USP47: variants seen among roughly 807,000 people sequenced by gnomAD.
USP47 encodes the protein ubiquitin carboxyl-terminal hydrolase 47.
USP47 carries 35 observed loss-of-function variants against 165.1 expected under a neutral mutation model. The observed-to-expected ratio is 0.21, with a 90% CI of 0.16 to 0.28. The LOEUF is 0.28. USP47 is among the 10% of genes least tolerant of loss of function. The pLI is 1.00. For missense variants in USP47, 1,277 were observed against 1,607.4 expected (o/e 0.79, Z 3.52); for synonymous variants, 531 against 544.5 (o/e 0.98, Z 0.35).
chr11:11,948,236 T>A (rs1241567043), intron 21 of USP47, 116 bp downstream of exon 21: 1 of 1,215,742 alleles, frequency 8.2e-7, no homozygotes, highest in African/African-American at 1.5e-5. Flanking sequence ...TTTTTTTTAA[T>A]GATTAATGGT....
chr11:11,866,330 G>C (rs1420564045), intron 1 of USP47, among the ~76,000 whole-genome samples: 1 of 152,178 alleles, frequency 6.6e-6, no homozygotes, highest in African/African-American at 2.4e-5. Flanking sequence ...TAAGACTCAA[G>C]GCTCAGGAGA....
chr11:11,870,561 T>A (rs945213665), intron 1 of USP47, among the ~76,000 whole-genome samples: 1 of 152,202 alleles, frequency 6.6e-6, no homozygotes, highest in Non-Finnish European at 1.5e-5. Context: ...CTTTGAGTTT[T>A]CCTTCATCTG....
rs1847426060 is a variant in USP47 at position 11,960,935 on chromosome 11, C to A, written c.*4760C>A. On this transcript the variant is annotated 3_prime_UTR_variant, in exon 28 of 28. Transcript: ENST00000527733. ...CCTCTTCAACCTCATCCTCCCTCCC[C>A]ACAGGCCCAGAGAACCAGTTGGGCT... is the stretch of plus-strand genomic sequence containing the variant. Among the ~76,000 whole-genome samples, 2 of 152,296 alleles carry A rather than the reference C, an allele frequency of 1.3e-5. No individual in the cohort carries two copies. The highest frequency in any genetic ancestry group is 1.3e-4 in the Admixed American group (2 of 15,310).
At chr11:11,921,676 T>C (rs1853848882) in intron 10 of USP47, among the ~76,000 whole-genome samples, 2 of 151,906 alleles carry the variant, frequency 1.3e-5, no homozygotes, top group Admixed American at 6.6e-5. Flanking sequence ...CAGTAGTAGA[T>C]TGGTCTTCTG....
In USP47 at chr11:11,920,236, G is replaced by T; in HGVS notation, c.1050G>T (p.Lys350Asn). Residue 350 changes from lysine (K) to asparagine (N), a missense_variant, in exon 9 of 28, where the codon AAG becomes AAT. Transcript: ENST00000527733. ...ATTTTTGTGAACGTTGTAAGAAGAA[G>T]TGTGATGCACGGAAGGTAAATGCCA... ...NQYFCERCKK[K>N]CDARKGLRFL... is the part of the protein sequence containing the mutation. 6.2e-7 allele frequency: 1 copy of T among 1,609,798 alleles called. No homozygotes were observed. Among genetic ancestry groups the T allele is most frequent in the Non-Finnish European group, 8.5e-7 (1 of 1,177,720 alleles).
intron 15 of USP47, 119 bp from the exon 16 acceptor site, chr11:11,933,712 G>A: frequency 3.1e-6 from 2 of 644,554 alleles, no homozygotes; most frequent in Non-Finnish European, 5.4e-6. Flanking sequence ...ATAGAAGAGT[G>A]ATCTCAATTA....
At position 11,905,566 on chromosome 11, in the gene USP47, G is replaced by A; in HGVS notation, c.969+18G>A. On this transcript the variant is annotated intron_variant, in intron 8 of 27. Coordinates refer to ENST00000527733, the MANE Select transcript of USP47 (RefSeq NM_001282659.2). ...CTAGTGTGGTGTGTACCTTTCACCT[G>A]ACTGCTTGTGTATCCTTACACAGAA... The A allele has an allele frequency of 6.3e-7, 1 of 1,584,118 alleles. No homozygotes were observed. The highest frequency in any genetic ancestry group is 1.1e-5 in the South Asian group (1 of 87,070).
At chr11:11,875,075 G>A (rs1554904363) in intron 1 of USP47, among the ~76,000 whole-genome samples, 1 of 73,210 alleles carries the variant, frequency 1.4e-5, no homozygotes, top group Non-Finnish European at 3.1e-5. Context: ...GTGTGTGTGT[G>A]TGTGTGTTTA....
rs201712450 is a variant in USP47 at position 11,952,768 on chromosome 11, A to T, written c.3611A>T (p.Gln1204Leu). 6.2e-7 allele frequency: 1 copy of T among 1,611,756 alleles called. No individual in the cohort carries two copies. The highest frequency in any genetic ancestry group is 8.5e-7 in the Non-Finnish European group (1 of 1,178,744). ...DGVEKMKSMS[Q>L]LAVLSRRWKP... ...GTAGAGAAGATGAAGTCCATGTCAC[A>T]GCTTGCAGTTTTGTCAAGACGGTGG... The change falls in exon 25 of 28, where the codon CAG (glutamine) becomes CTG (leucine). Residue 1204 changes from glutamine to leucine, a missense_variant. Gln to Leu is a moderately radical substitution (Grantham distance 113). Transcript: ENST00000527733.
intron 8 of USP47, among the ~76,000 whole-genome samples, chr11:11,912,964 A>G (rs1031683876): frequency 1.3e-5 from 2 of 152,108 alleles, no homozygotes; most frequent in South Asian, 2.1e-4. Context: ...ATTCACTTAT[A>G]ATAACTCAGA....
At chr11:11,900,192 G>A (rs1852119387) in intron 5 of USP47, among the ~76,000 whole-genome samples, 1 of 124,210 alleles carries the variant, frequency 8.1e-6, no homozygotes, top group Admixed American at 1.1e-4. Flanking sequence ...ACGGAGTCTC[G>A]CTGTCGCCCA....
intron 4 of USP47, among the ~76,000 whole-genome samples, chr11:11,897,375 T>C (rs958814463): frequency 2.0e-5 from 3 of 152,070 alleles, no homozygotes; most frequent in Admixed American, 1.3e-4. Flanking sequence ...TCTGGACATA[T>C]CTATAACAAG....
Position 11,957,372 on chromosome 11 carries a change from A to G in USP47, c.*1197A>G, listed in dbSNP as rs1361825004. On this transcript the variant is annotated 3_prime_UTR_variant, in exon 28 of 28. Transcript: ENST00000527733. ...TCAGCAAGTTTTTGCTTTGCTAAATAAAAGTACTCAATGAACACAATTCTA... is the reference window on the plus strand; with the variant it reads ...TCAGCAAGTTTTTGCTTTGCTAAATGAAAGTACTCAATGAACACAATTCTA... 6.6e-6 allele frequency: 1 copy of G among 152,410 alleles called. No individual in the cohort carries two copies. Among genetic ancestry groups the G allele is most frequent in the African/African-American group, 2.4e-5 (1 of 41,228 alleles). 9.4% of individuals were successfully genotyped at this position (152,410 alleles called of 1,614,324 possible). A position where few individuals can be genotyped will look rare whatever the true frequency, so the allele number is the denominator to read the frequency against.
chr11:11,865,208 G>C (rs1381327204), intron 1 of USP47, among the ~76,000 whole-genome samples: 1 of 152,106 alleles, frequency 6.6e-6, no homozygotes, highest in Admixed American at 6.6e-5. Flanking sequence ...CCAAATTTGG[G>C]AAGTTTTCAG....
chr11:11,928,153 C>G (rs1404287502), intron 11 of USP47, among the ~76,000 whole-genome samples: 1 of 151,848 alleles, frequency 6.6e-6, no homozygotes, highest in African/African-American at 2.4e-5. Context: ...AATGGGGAGA[C>G]TGCTTATGAT....
At position 11,904,071 on chromosome 11, in the gene USP47, G is replaced by A. The variant is rs149598379; in HGVS notation, c.819+729G>A. On this transcript the variant is annotated intron_variant, in intron 7 of 27. Coordinates refer to ENST00000527733, the MANE Select transcript of USP47 (RefSeq NM_001282659.2). Reference sequence around the variant, plus strand: ...AAATCAGTTTATTGGGCCTACAACAGCATTTTCAAAAAATGGAATAGAATA... The same window carrying A: ...AAATCAGTTTATTGGGCCTACAACAACATTTTCAAAAAATGGAATAGAATA... 2.2e-3 allele frequency among the ~76,000 whole-genome samples: 329 copies of A among 152,194 alleles called. 1 individual carries two copies. The highest frequency in any genetic ancestry group is 3.9e-3 in the Non-Finnish European group (266 of 67,966).
intron 11 of USP47, among the ~76,000 whole-genome samples, chr11:11,929,169 G>A (rs1026213095): frequency 2.0e-5 from 3 of 151,978 alleles, no homozygotes; most frequent in African/African-American, 7.2e-5. Context: ...ACATATGTAA[G>A]TTTATATTTA....
At chr11:11,848,940 A>C (rs1043787033) in intron 1 of USP47, among the ~76,000 whole-genome samples, 2 of 147,722 alleles carry the variant, frequency 1.4e-5, no homozygotes, top group African/African-American at 5.0e-5. Context: ...TTACTTCTTG[A>C]TTTTTCAGTT....
At chr11:11,882,109 C>T (rs1207802763) in intron 2 of USP47, among the ~76,000 whole-genome samples, 1 of 152,138 alleles carries the variant, frequency 6.6e-6, no homozygotes, top group African/African-American at 2.4e-5. Context: ...AGTTGTAGCA[C>T]TTATGTCACC....
Sources: allele counts gnomAD v4.1 joint callset (sites outside exome capture counted in the v4.1 genomes callset), GRCh38; gene constraint gnomAD v4.1.1; transcripts MANE v1.5; gene names NCBI Gene and HGNC (gene_info 2026-07-23, HGNC 2026-07-21).